Variants in EPB41L5 observed in about 807,000 individuals in gnomAD.
The protein encoded by EPB41L5 is erythrocyte membrane protein band 4.1 like 5, also known as band 4.1-like protein 5.
Under a neutral mutation model 106.6 loss-of-function variants are expected in EPB41L5, and 55 were observed. The observed-to-expected ratio is 0.52, with a 90% CI of 0.42 to 0.65. EPB41L5 has a LOEUF of 0.65. EPB41L5 is among the 30% of genes least tolerant of loss of function. The pLI is 0.00. For synonymous variants in EPB41L5, 297 were observed against 306.7 expected (o/e 0.97, Z 0.33); for missense variants, 871 against 882.1 (o/e 0.99, Z 0.16).
At chr2:120,156,092 C>T (rs901965240) in intron 20 of EPB41L5, among the ~76,000 whole-genome samples, 2 of 152,146 alleles carry the variant, frequency 1.3e-5, no homozygotes, top group African/African-American at 2.4e-5. Context: ...TGGCCAAGGA[C>T]AGCCATCCCC....
intron 10 of EPB41L5, among the ~76,000 whole-genome samples, chr2:120,082,102 T>C (rs1682713813): frequency 6.6e-6 from 1 of 152,186 alleles, no homozygotes; most frequent in Non-Finnish European, 1.5e-5. Context: ...AGCCTTTATT[T>C]CTTTCTCCTG....
At chr2:120,165,968 A>AG (rs1687385027) in intron 22 of EPB41L5, among the ~76,000 whole-genome samples, 2 of 83,742 alleles carry the variant, frequency 2.4e-5, no homozygotes, top group Admixed American at 1.2e-4. Context: ...ACTCCGTCTC[A>AG]AAAAAAAAAA....
At chr2:120,162,593 A>G (rs1357655302) in intron 21 of EPB41L5, among the ~76,000 whole-genome samples, 3 of 152,238 alleles carry the variant, frequency 2.0e-5, no homozygotes, top group Non-Finnish European at 4.4e-5. Context: ...GAAAAGATAC[A>G]TTGACTAATC....
At chr2:120,050,658 T>C (rs554292640) in intron 3 of EPB41L5, among the ~76,000 whole-genome samples, 3 of 152,346 alleles carry the variant, frequency 2.0e-5, no homozygotes, top group East Asian at 1.9e-4. Flanking sequence ...TCTCGCAACT[T>C]GTCAAAGTCA....
chr2:120,156,320 C>T (rs992021709), intron 20 of EPB41L5, among the ~76,000 whole-genome samples: 4 of 152,148 alleles, frequency 2.6e-5, no homozygotes, highest in African/African-American at 9.7e-5. Context: ...CAGACTGTGC[C>T]TGACTTGCAG....
chr2:120,039,297 A>AT (rs1679244744), intron 2 of EPB41L5, among the ~76,000 whole-genome samples: 1 of 151,824 alleles, frequency 6.6e-6, no homozygotes. Context: ...GTGGGGGATG[A>AT]TTTTTTTAAT....
intron 11 of EPB41L5, among the ~76,000 whole-genome samples, chr2:120,087,740 T>A (rs191970494): frequency 4.6e-4 from 70 of 152,340 alleles, no homozygotes; most frequent in Non-Finnish European, 8.5e-4. Context: ...CCTCCCATCT[T>A]AGCTTCTCAG....
At chr2:120,155,420 C>T (rs188217311) in intron 20 of EPB41L5, among the ~76,000 whole-genome samples, 2 of 152,142 alleles carry the variant, frequency 1.3e-5, no homozygotes, top group Non-Finnish European at 2.9e-5. Context: ...TGTCTTGCAA[C>T]TTTCGAGAAT....
chr2:120,131,842 C>A, intron 18 of EPB41L5, 127 bp downstream of exon 18: 1 of 654,306 alleles, frequency 1.5e-6, no homozygotes. Context: ...TTCTTATAAA[C>A]CTGTTTTCTC....
At chr2:120,156,483 C>G (rs1026382474) in intron 20 of EPB41L5, among the ~76,000 whole-genome samples, 2 of 152,180 alleles carry the variant, frequency 1.3e-5, no homozygotes, top group African/African-American at 4.8e-5. Flanking sequence ...CCCACCAGTG[C>G]ACCTATGTCC....
chr2:120,066,965 A>T (rs1681484297), intron 3 of EPB41L5, among the ~76,000 whole-genome samples: 1 of 152,202 alleles, frequency 6.6e-6, no homozygotes, highest in Admixed American at 6.5e-5. Flanking sequence ...CTGAAAGAAA[A>T]TTGAATTGTT....
chr2:120,149,165 A>G (rs1686554171), intron 20 of EPB41L5, among the ~76,000 whole-genome samples: 1 of 152,190 alleles, frequency 6.6e-6, no homozygotes, highest in African/African-American at 2.4e-5. Context: ...ATGTCTATTC[A>G]GATCATTTAT....
chr2:120,156,384 C>T (rs997212447), intron 20 of EPB41L5, among the ~76,000 whole-genome samples: 4 of 152,200 alleles, frequency 2.6e-5, no homozygotes, highest in African/African-American at 9.7e-5. Flanking sequence ...CCACTCCCTC[C>T]CCACACTTCA....
intron 2 of EPB41L5, among the ~76,000 whole-genome samples, chr2:120,038,711 G>A (rs1361667561): frequency 6.6e-6 from 1 of 152,146 alleles, no homozygotes; most frequent in Non-Finnish European, 1.5e-5. Context: ...CCTAGATGAT[G>A]CCTTTGCACT....
intron 1 of EPB41L5, 72 bp from the exon 2 acceptor site, chr2:120,019,005 A>AT (rs1677736206): frequency 1.5e-6 from 2 of 1,331,580 alleles, no homozygotes; most frequent in Non-Finnish European, 2.1e-6. Context: ...AAATAATGCC[A>AT]TTTGACTGAC....
intron 16 of EPB41L5, among the ~76,000 whole-genome samples, chr2:120,122,534 T>C (rs1292846065): frequency 6.6e-6 from 1 of 152,224 alleles, no homozygotes. Context: ...CATTGATCTA[T>C]ATCTCTGTTT....
At position 120,045,311 on chromosome 2, in the gene EPB41L5, T is replaced by C. The variant is rs58091488; in HGVS notation, c.285+3201T>C. ...TCTGAGCCCTGTTTTTAAAATTGTT[T>C]ACTTTTTATTAGACTGGGTTATTTT... On this transcript the variant is annotated intron_variant, in intron 3 of 24. Coordinates refer to ENST00000263713, the MANE Select transcript of EPB41L5 (RefSeq NM_020909.4). Among the ~76,000 whole-genome samples, 1,169 of 152,324 alleles carry C rather than the reference T, an allele frequency of 7.7e-3. 12 individuals are homozygous for C. The highest frequency in any genetic ancestry group is 0.027 in the African/African-American group (1,109 of 41,570).
At chr2:120,124,108 C>T (rs777494065) in intron 16 of EPB41L5, among the ~76,000 whole-genome samples, 3 of 152,286 alleles carry the variant, frequency 2.0e-5, no homozygotes, top group Middle Eastern at 3.4e-3. Flanking sequence ...CTTGCTCTTT[C>T]GTGCTTCTCA....
chr2:120,070,902 G>T (rs1305490709), intron 3 of EPB41L5, among the ~76,000 whole-genome samples: 1 of 152,150 alleles, frequency 6.6e-6, no homozygotes, highest in Non-Finnish European at 1.5e-5. Flanking sequence ...GCAAAAGCTG[G>T]AAGCATTCCC....
Sources: gnomAD v4.1 joint callset for allele counts (sites outside exome capture counted in the v4.1 genomes callset) on GRCh38, gnomAD v4.1.1 for gene constraint, MANE v1.5 for transcripts, NCBI Gene and HGNC (gene_info 2026-07-23, HGNC 2026-07-21) for gene names.